The following MICU1 variants were observed in gnomAD, a reference collection of about 807,000 sequenced individuals.
MICU1 encodes the protein mitochondrial calcium uptake 1, also known as calcium uptake protein 1, mitochondrial.
MICU1 carries 45 observed loss-of-function variants against 56.8 expected under a neutral mutation model. The observed-to-expected ratio is 0.79, with a 90% confidence interval of 0.62 to 1.02. The LOEUF (loss-of-function observed/expected upper bound fraction) is 1.02. MICU1 is among the 50% of genes least tolerant of loss of function. The pLI is 0.00. For synonymous variants in MICU1, 186 were observed against 195.1 expected (o/e 0.95, Z 0.39); for missense variants, 504 against 587.1 (o/e 0.86, Z 1.46).
At chr10:72,623,300 C>CAAAAAAAAAAAAAAAAAAAA (rs1164753291) in intron 1 of MICU1, among the ~76,000 whole-genome samples, 1 of 55,940 alleles carries the variant, frequency 1.8e-5, no homozygotes, top group Non-Finnish European at 3.0e-5. Flanking sequence ...GACTCCGTCT[C>CAAAAAAAAAAAAAAAAAAAA]AAAAAAAAAA....
intron 6 of MICU1, 94 bp from the exon 7 acceptor site, chr10:72,477,350 A>G: frequency 8.4e-7 from 1 of 1,191,618 alleles, no homozygotes; most frequent in Non-Finnish European, 1.2e-6. Flanking sequence ...AAAATGTAAT[A>G]TCAAAGTCAC....
chr10:72,574,365 C>A (rs2065815), intron 1 of MICU1, among the ~76,000 whole-genome samples: 95,628 of 151,828 alleles, frequency 0.63, 31,639 homozygotes, highest in African/African-American at 0.72. Flanking sequence ...TCCCATCTCT[C>A]CTAAAAATAC....
intron 4 of MICU1, among the ~76,000 whole-genome samples, chr10:72,543,209 T>C (rs528664373): frequency 1.3e-5 from 2 of 152,364 alleles, no homozygotes; most frequent in African/African-American, 4.8e-5. Context: ...CTAGAATTTT[T>C]CTGCCTCTTG....
chr10:72,483,843 A>G (rs1866380897), intron 6 of MICU1: 4 of 152,192 alleles, frequency 2.6e-5, no homozygotes, highest in African/African-American at 9.7e-5. Context: ...CCTATTATGG[A>G]TTTGTTGCTT....
intron 8 of MICU1, among the ~76,000 whole-genome samples, chr10:72,462,499 T>C (rs1231412539): frequency 6.6e-6 from 1 of 152,188 alleles, no homozygotes; most frequent in African/African-American, 2.4e-5. Flanking sequence ...TAGTATGTAC[T>C]CAAACTTTTG....
intron 8 of MICU1, among the ~76,000 whole-genome samples, chr10:72,441,211 T>C (rs573512698): frequency 1.3e-5 from 2 of 152,224 alleles, no homozygotes; most frequent in South Asian, 4.1e-4. Context: ...CATGGAATAC[T>C]ATGCAGCCAC....
rs71018289 is a variant in MICU1, at chr10:72,448,193, A to ATTTTTT, written c.934-24828_934-24823dup. 2.6e-3 allele frequency among the ~76,000 whole-genome samples: 96 copies of ATTTTTT among 36,836 alleles called. 10 individuals carry two copies. The highest frequency in any genetic ancestry group is 3.2e-3 in the Non-Finnish European group (68 of 21,214). The allele number at this position is 36,836 out of a possible 152,430, so 24.2% of individuals were successfully genotyped here. A position where few individuals can be genotyped will look rare whatever the true frequency, so the allele number is the denominator to read the frequency against. On this transcript the variant is annotated intron_variant, in intron 8 of 11. Transcript: ENST00000361114. ...TGTGTGTATATATATATATATATAT[A>ATTTTTT]TTTTTTTTTTTTTTTTTTTTTTTTG...
At chr10:72,425,141 G>A (rs1864305514) in intron 8 of MICU1, among the ~76,000 whole-genome samples, 1 of 152,184 alleles carries the variant, frequency 6.6e-6, no homozygotes, top group Non-Finnish European at 1.5e-5. Context: ...TCTGAAACCT[G>A]GGTAAAAGTT....
At chr10:72,518,672 T>C (rs945336558) in intron 5 of MICU1, among the ~76,000 whole-genome samples, 1 of 152,168 alleles carries the variant, frequency 6.6e-6, no homozygotes, top group African/African-American at 2.4e-5. Flanking sequence ...ATTATTTAAA[T>C]AGAACTGGAT....
chr10:72,500,292 ATATATATATATTTTTTTTTTTTTTTT>A (rs1867013435), intron 6 of MICU1, among the ~76,000 whole-genome samples: 2 of 7,278 alleles, frequency 2.7e-4, no homozygotes, highest in African/African-American at 4.8e-4. Flanking sequence ...ATATATATAT[ATATATATATATTTTTTTTTTTTTTTT>A]TTTTTTTTTT....
At chr10:72,547,239 A>G (rs952162703) in intron 4 of MICU1, among the ~76,000 whole-genome samples, 3 of 151,696 alleles carry the variant, frequency 2.0e-5, no homozygotes, top group Non-Finnish European at 2.9e-5. Context: ...GGGTCTCGCT[A>G]TGTTACTCAA....
At chr10:72,432,157 G>T (rs1348042537) in intron 8 of MICU1, among the ~76,000 whole-genome samples, 3 of 148,720 alleles carry the variant, frequency 2.0e-5, no homozygotes, top group Non-Finnish European at 1.5e-5. Context: ...ACAGTGGTGT[G>T]ATCAACACTT....
intron 5 of MICU1, among the ~76,000 whole-genome samples, chr10:72,520,243 C>T (rs974863980): frequency 3.3e-5 from 5 of 152,060 alleles, no homozygotes; most frequent in African/African-American, 1.2e-4. Context: ...AATGCTTACA[C>T]TTCATTATCT....
chr10:72,370,472 C>G (rs569214860), intron 11 of MICU1, among the ~76,000 whole-genome samples: 2 of 151,962 alleles, frequency 1.3e-5, no homozygotes, highest in African/African-American at 4.8e-5. Context: ...AGACAGGAAA[C>G]CCCCCACAGC....
intron 6 of MICU1, among the ~76,000 whole-genome samples, chr10:72,500,288 ATATATATATATATATTTTTTTTTTTTTT>A (rs1416037947): frequency 3.2e-3 from 24 of 7,396 alleles, no homozygotes; most frequent in African/African-American, 5.3e-3. Flanking sequence ...ATATATATAT[ATATATATATATATATTTTTTTTTTTTTT>A]TTTTTTTTTT....
At chr10:72,491,981 C>A (rs769977593) in intron 6 of MICU1, among the ~76,000 whole-genome samples, 1 of 152,078 alleles carries the variant, frequency 6.6e-6, no homozygotes, top group Admixed American at 6.6e-5. Flanking sequence ...CTATGCTTAT[C>A]CCCCTCCAAA....
chr10:72,407,620 T>C (rs1863671607), intron 10 of MICU1, among the ~76,000 whole-genome samples: 2 of 152,338 alleles, frequency 1.3e-5, no homozygotes, highest in South Asian at 4.1e-4. Context: ...GTATATATAA[T>C]GACTCTGGCT....
intron 1 of MICU1, among the ~76,000 whole-genome samples, chr10:72,577,953 C>G (rs532786321): frequency 6.6e-5 from 10 of 152,168 alleles, no homozygotes; most frequent in African/African-American, 2.4e-4. Context: ...ATTCCATAAA[C>G]TTTGTTGATA....
chr10:72,454,782 C>CAAAAAA lies in MICU1; in HGVS notation c.933+20312_933+20317dup, dbSNP rs10591892. 4.2e-5 allele frequency among the ~76,000 whole-genome samples: 5 copies of CAAAAAA among 119,066 alleles called. No individual in the cohort carries two copies. In the East Asian group the frequency reaches 1.2e-3, roughly 29 times the overall value. The allele number at this position is 119,066 out of a possible 152,430, so 78.1% of individuals were successfully genotyped here. ...TGGGTGACAGAGCGAAACTCCATCT[C>CAAAAAA]AAAAAAAAAAAAAAAACAAAAAACA... On this transcript the variant is annotated intron_variant, in intron 8 of 11. Coordinates refer to ENST00000361114, the MANE Select transcript of MICU1 (RefSeq NM_001195518.2).
Sources: allele counts gnomAD v4.1 joint callset (sites outside exome capture counted in the v4.1 genomes callset), GRCh38; gene constraint gnomAD v4.1.1; transcripts MANE v1.5; gene names NCBI Gene and HGNC (gene_info 2026-07-23, HGNC 2026-07-21).